Variants in ODAD2 observed in about 807,000 individuals in gnomAD.
ODAD2 encodes the protein outer dynein arm docking complex subunit 2, also known as outer dynein arm-docking complex subunit 2.
ODAD2 carries 89 observed loss-of-function variants against 106.8 expected under a neutral mutation model. That is an observed-to-expected ratio of 0.83 (90% CI 0.70 to 0.99). The LOEUF (loss-of-function observed/expected upper bound fraction) is 0.99. Among genes scored for constraint, ODAD2 ranks in the 50% least tolerant of loss-of-function variants. ODAD2 has a pLI of 0.00. For synonymous variants in ODAD2, 404 were observed against 436.2 expected (o/e 0.93, Z 0.92); for missense variants, 1,168 against 1,238.5 (o/e 0.94, Z 0.85).
At chr10:27,939,765 A>T (rs921059851) in intron 14 of ODAD2, 132 bp downstream of exon 14, 16 of 482,948 alleles carry the variant, frequency 3.3e-5, no homozygotes, top group Middle Eastern at 1.0e-3. Flanking sequence ...ATTAAAACTT[A>T]AAAAAATCAA....
intron 16 of ODAD2, among the ~76,000 whole-genome samples, chr10:27,909,787 C>T (rs1843862675): frequency 1.6e-5 from 2 of 124,386 alleles, no homozygotes; most frequent in African/African-American, 3.1e-5. Flanking sequence ...CACTGCACTC[C>T]AGCTTGGGCG....
At chr10:27,994,027 T>A (rs1040586829) in intron 2 of ODAD2, among the ~76,000 whole-genome samples, 4 of 151,418 alleles carry the variant, frequency 2.6e-5, no homozygotes, top group Non-Finnish European at 5.9e-5. Flanking sequence ...AGCTTACTTA[T>A]TGTATAATTA....
chr10:27,944,850 A>C lies in ODAD2; in HGVS notation c.1499T>G (p.Ile500Arg). 1 of 1,614,142 alleles carries C rather than the reference A, an allele frequency of 6.2e-7. No homozygotes were observed. Among genetic ancestry groups the C allele is most frequent in the Non-Finnish European group, 8.5e-7 (1 of 1,180,006 alleles). ...GACTTCATCGGTTTCAAGCAAATTT[A>C]TCAGCACTTCCAGGCCTCCAACATC... Reference protein sequence around the residue: ...IRDVGGLEVLINLLETDEVKC... With the variant: ...IRDVGGLEVLRNLLETDEVKC... The change falls in exon 11 of 20, where the codon ATA (isoleucine) becomes AGA (arginine). Residue 500 changes from isoleucine to arginine, a missense_variant. Ile to Arg is a moderately conservative substitution (Grantham distance 97). This residue lies in a region of ODAD2 where 701 missense variants were observed against 712.3 expected (regional missense o/e 0.98). Transcript: ENST00000305242.
intron 16 of ODAD2, among the ~76,000 whole-genome samples, chr10:27,913,067 T>C (rs1183949132): frequency 6.6e-6 from 1 of 152,160 alleles, no homozygotes. Flanking sequence ...ATAAACAATA[T>C]GATTAGAAAG....
intron 6 of ODAD2, among the ~76,000 whole-genome samples, chr10:27,982,360 A>T (rs1301447129): frequency 6.6e-6 from 1 of 152,162 alleles, no homozygotes; most frequent in African/African-American, 2.4e-5. Context: ...GGATACTTAG[A>T]TATCTCCATG....
At chr10:27,878,652 T>A (rs1386167522) in intron 17 of ODAD2, among the ~76,000 whole-genome samples, 1 of 152,178 alleles carries the variant, frequency 6.6e-6, no homozygotes, top group Non-Finnish European at 1.5e-5. Flanking sequence ...AAACTTTTTT[T>A]AATCCTACAC....
chr10:27,852,326 G>T (rs907446225), intron 19 of ODAD2, among the ~76,000 whole-genome samples: 1 of 152,148 alleles, frequency 6.6e-6, no homozygotes, highest in Non-Finnish European at 1.5e-5. Context: ...ATTGTTTACA[G>T]TCAAAAACAA....
intron 17 of ODAD2, among the ~76,000 whole-genome samples, chr10:27,901,763 T>C (rs1009339570): frequency 6.6e-6 from 1 of 152,202 alleles, no homozygotes; most frequent in Non-Finnish European, 1.5e-5. Flanking sequence ...AAGAGCTAAC[T>C]GACCTAAATA....
chr10:27,847,622 A>G (rs1838881209), intron 19 of ODAD2, among the ~76,000 whole-genome samples: 1 of 152,098 alleles, frequency 6.6e-6, no homozygotes, highest in Non-Finnish European at 1.5e-5. Flanking sequence ...GGAAAAGAGG[A>G]AGTCAAATTG....
Position 27,865,190 on chromosome 10 carries a change from C to G in ODAD2, c.2611-2568G>C, listed in dbSNP as rs539478121. On this transcript the variant is annotated intron_variant, in intron 17 of 19. Transcript: ENST00000305242. ...TTGACACCTCTTCTCCAACCTCCCC[C>G]ACATATACCCTGAGCCAGTGGCTCT... Among the ~76,000 whole-genome samples, 3 of 152,290 alleles carry G rather than the reference C, an allele frequency of 2.0e-5. No homozygotes were observed. The East Asian group carries it at 5.8e-4, about 29-fold the overall frequency.
At chr10:27,988,526 C>T (rs1360379196) in intron 2 of ODAD2, among the ~76,000 whole-genome samples, 4 of 151,756 alleles carry the variant, frequency 2.6e-5, no homozygotes, top group South Asian at 4.2e-4. Context: ...TAGTAGACAA[C>T]GGGGTTACAC....
At chr10:27,998,966 C>A in intron 1 of ODAD2, 28 bp downstream of exon 1, 1 of 156,894 alleles carries the variant, frequency 6.4e-6, no homozygotes, top group South Asian at 1.8e-4. Context: ...CAGCCTCACC[C>A]GGCCGCGACC....
chr10:27,943,565 T>A (rs1243274555), intron 12 of ODAD2, among the ~76,000 whole-genome samples: 7 of 151,910 alleles, frequency 4.6e-5, no homozygotes, highest in African/African-American at 1.5e-4. Flanking sequence ...GGTGGGCGGA[T>A]TACCTGAGCT....
intron 17 of ODAD2, among the ~76,000 whole-genome samples, chr10:27,897,388 G>A (rs181246328): frequency 2.6e-5 from 4 of 152,192 alleles, no homozygotes; most frequent in East Asian, 1.9e-4. Flanking sequence ...TTCCTCAGAC[G>A]ATGTTATTCC....
chr10:27,907,631 C>T (rs776237848), intron 17 of ODAD2, 32 bp downstream of exon 17: 5 of 1,483,796 alleles, frequency 3.4e-6, no homozygotes, highest in Non-Finnish European at 3.8e-6. Flanking sequence ...ATTAGAGATT[C>T]TAGAAGAGAC....
intron 16 of ODAD2, among the ~76,000 whole-genome samples, chr10:27,915,906 A>G (rs1486822279): frequency 6.6e-6 from 1 of 152,176 alleles, no homozygotes; most frequent in Non-Finnish European, 1.5e-5. Flanking sequence ...TTGTTCATAT[A>G]TATGGCCTCA....
chr10:27,850,338 T>TA (rs1839159728), intron 19 of ODAD2, among the ~76,000 whole-genome samples: 1 of 149,206 alleles, frequency 6.7e-6, no homozygotes, highest in African/African-American at 2.5e-5. Context: ...GCAGCTACTC[T>TA]GGAGGCTGAG....
intron 7 of ODAD2, among the ~76,000 whole-genome samples, chr10:27,979,787 A>G (rs571843444): frequency 5.9e-5 from 9 of 152,332 alleles, no homozygotes; most frequent in African/African-American, 1.7e-4. Context: ...TGGCAATACT[A>G]TGTAAAGCAA....
chr10:27,838,142 C>T (rs566675575), intron 19 of ODAD2, among the ~76,000 whole-genome samples: 2 of 152,260 alleles, frequency 1.3e-5, no homozygotes, highest in Admixed American at 1.3e-4. Context: ...CGTACTAATT[C>T]AAGCACTGTT....
Sources: allele counts gnomAD v4.1 joint callset (sites outside exome capture counted in the v4.1 genomes callset), GRCh38; gene constraint gnomAD v4.1.1; regional missense constraint gnomAD v4.1.1; transcripts MANE v1.5; gene names NCBI Gene and HGNC (gene_info 2026-07-23, HGNC 2026-07-21).